USP22: variants seen among roughly 807,000 people sequenced by gnomAD.
USP22 encodes ubiquitin carboxyl-terminal hydrolase 22.
Under a neutral mutation model 68.1 loss-of-function variants are expected in USP22, and 22 were observed. The ratio of observed to expected loss-of-function variants is 0.32; its 90% CI spans 0.23 to 0.46. USP22 has a LOEUF of 0.46. Ranked by LOEUF, USP22 falls within the 20% of genes least tolerant of loss-of-function variation. The pLI is 1.00. For synonymous variants in USP22, 279 were observed against 274.2 expected, an observed-to-expected ratio of 1.02 and a Z score of -0.17; for missense variants, 433 against 695.8, an observed-to-expected ratio of 0.62 and a Z score of 4.25.
upstream of USP22, chr17:21,043,285 A>C (rs1408334073): frequency 1.7e-4 from 11 of 66,262 alleles, 2 homozygotes; most frequent in African/African-American, 3.6e-4. Context: ...CCCTTCCTTT[A>C]TTGGTAGTAG....
intron 9 of USP22, among the ~76,000 whole-genome samples, chr17:21,007,483 G>A (rs1426343252): frequency 6.6e-6 from 1 of 152,184 alleles, no homozygotes; most frequent in Non-Finnish European, 1.5e-5. Context: ...GACATCTTCA[G>A]TTATCTGGGC....
chr17:21,019,263 C>T (rs1261672149), intron 3 of USP22, 78 bp from the exon 4 acceptor site: 10 of 1,417,076 alleles, frequency 7.1e-6, no homozygotes, highest in African/African-American at 2.8e-5. Context: ...AAAGCTGTGG[C>T]GCTATGCTGT....
intron 12 of USP22, among the ~76,000 whole-genome samples, chr17:21,003,900 C>CAAAAAAA (rs545524182): frequency 8.8e-6 from 1 of 113,894 alleles, no homozygotes. Flanking sequence ...AACTCCGTCT[C>CAAAAAAA]AAAAAAAAAA....
intron 7 of USP22, among the ~76,000 whole-genome samples, chr17:21,012,089 T>C (rs1465760298): frequency 2.0e-5 from 3 of 152,070 alleles, no homozygotes; most frequent in African/African-American, 7.2e-5. Context: ...TCTGAAATAA[T>C]TTCGGTGGAT....
chr17:21,042,944 G>A lies in USP22; in HGVS notation c.-109C>T, dbSNP rs901222257. The A allele has an allele frequency of 2.8e-6, 2 of 712,666 alleles. No homozygotes were observed. Among genetic ancestry groups the A allele is most frequent in the Non-Finnish European group, 3.8e-6 (2 of 527,090 alleles). The allele number at this position is 712,666 out of a possible 1,614,324, so 44.1% of individuals were successfully genotyped here. On this transcript the variant is annotated 5_prime_UTR_variant, in exon 1 of 13. Transcript: ENST00000261497. ...GCTGGCCAGGCTGGCCAAGGCCCGG[G>A]CGCCGAGAACAAAGCGCGGAGGCCG...
intron 3 of USP22, among the ~76,000 whole-genome samples, chr17:21,019,634 C>T (rs1972129801): frequency 6.8e-6 from 1 of 146,424 alleles, no homozygotes; most frequent in South Asian, 2.3e-4. Flanking sequence ...TAAGATAGAT[C>T]CAACAGTTAA....
Position 21,020,244 on chromosome 17 carries a change from C to CAAAAAAAAAAAAAAAAAAAAAAAAAAAA in USP22, c.418+868_418+869insTTTTTTTTTTTTTTTTTTTTTTTTTTTT, listed in dbSNP as rs3047597. Among the ~76,000 whole-genome samples the CAAAAAAAAAAAAAAAAAAAAAAAAAAAA allele has an allele frequency of 6.8e-5, 5 of 73,252 alleles. 1 individual carries two copies. Among genetic ancestry groups the CAAAAAAAAAAAAAAAAAAAAAAAAAAAA allele is most frequent in the African/African-American group, 2.6e-4 (5 of 19,088 alleles). 48.1% of individuals were successfully genotyped at this position (73,252 alleles called of 152,430 possible). Reference sequence around the variant, plus strand: ...ATGAGCATCTGTCAGAATCAAAAACCAAAAAAAAAAAAAAAAAAAAAAAAA... The same window carrying CAAAAAAAAAAAAAAAAAAAAAAAAAAAA: ...ATGAGCATCTGTCAGAATCAAAAACCAAAAAAAAAAAAAAAAAAAAAAAAAAAAAAAAAAAAAAAAAAAAAAAAAAAAA... On this transcript the variant is annotated intron_variant, in intron 3 of 12. Coordinates refer to ENST00000261497, the MANE Select transcript of USP22 (RefSeq NM_015276.2).
At chr17:21,015,493 T>C (rs953552683) in intron 6 of USP22, among the ~76,000 whole-genome samples, 8 of 152,044 alleles carry the variant, frequency 5.3e-5, no homozygotes, top group Middle Eastern at 3.2e-3. Context: ...GAGTTTGCTG[T>C]TCACTGTGAT....
intron 6 of USP22, among the ~76,000 whole-genome samples, chr17:21,015,065 T>A (rs183280401): frequency 1.2e-4 from 19 of 152,214 alleles, no homozygotes; most frequent in African/African-American, 2.9e-4. Context: ...CAGCTGCAGG[T>A]CCCTCACACT....
At position 21,030,949 on chromosome 17, in the gene USP22, C is replaced by T. The variant is rs9901830; in HGVS notation, c.172-2275G>A. On this transcript the variant is annotated intron_variant, in intron 1 of 12. Coordinates refer to ENST00000261497, the MANE Select transcript of USP22 (RefSeq NM_015276.2). ...GTATTGCGCTTATGTAGGAGACTGT[C>T]CCAGTTCTTAGGAGGTAAACTACCA... 2.3e-3 allele frequency among the ~76,000 whole-genome samples: 353 copies of T among 152,282 alleles called. 3 individuals carry two copies. The highest frequency in any genetic ancestry group is 8.3e-3 in the African/African-American group (343 of 41,558).
chr17:21,010,503 C>T (rs1913925675), intron 8 of USP22, among the ~76,000 whole-genome samples: 1 of 151,550 alleles, frequency 6.6e-6, no homozygotes, highest in African/African-American at 2.4e-5. Flanking sequence ...ATGGTAAAAC[C>T]CCCGCTCTAC....
At chr17:21,041,592 C>T (rs1276788386) in intron 1 of USP22, among the ~76,000 whole-genome samples, 3 of 152,174 alleles carry the variant, frequency 2.0e-5, no homozygotes. Flanking sequence ...AGCGAGACTT[C>T]GTCTCAAAAA....
At chr17:21,019,031 C>T (rs895936720) in intron 4 of USP22, 53 bp downstream of exon 4, 1 of 1,579,682 alleles carries the variant, frequency 6.3e-7, no homozygotes, top group African/African-American at 1.3e-5. Context: ...TCTGTATTTA[C>T]TTTTAAACCC....
intron 2 of USP22, among the ~76,000 whole-genome samples, chr17:21,022,812 A>AAAC (rs1555530108): frequency 1.3e-5 from 2 of 150,882 alleles, no homozygotes; most frequent in Admixed American, 6.6e-5. Context: ...AAAAAAAAAA[A>AAAC]ACCAAATGAA....
chr17:21,028,425 A>G, intron 2 of USP22, 117 bp downstream of exon 2: 4 of 1,483,428 alleles, frequency 2.7e-6, no homozygotes, highest in Admixed American at 3.8e-5. Context: ...AGGGGCACGC[A>G]TTACTTGAGA....
At chr17:21,009,637 T>C (rs1913885458) in intron 8 of USP22, among the ~76,000 whole-genome samples, 1 of 152,188 alleles carries the variant, frequency 6.6e-6, no homozygotes, top group African/African-American at 2.4e-5. Flanking sequence ...TAAATTTAAT[T>C]TAGCTGCAAA....
At chr17:21,039,274 A>T (rs890763885) in intron 1 of USP22, among the ~76,000 whole-genome samples, 2 of 151,394 alleles carry the variant, frequency 1.3e-5, no homozygotes, top group Admixed American at 6.6e-5. Flanking sequence ...AGTCTGCAAT[A>T]CAAGAGTTTT....
chr17:21,030,847 G>A (rs553887540), intron 1 of USP22, among the ~76,000 whole-genome samples: 1 of 152,276 alleles, frequency 6.6e-6, no homozygotes, highest in African/African-American at 2.4e-5. Context: ...GATATTATTG[G>A]AACAATTCAG....
At chr17:21,035,291 AT>A (rs1257363838) in intron 1 of USP22, among the ~76,000 whole-genome samples, 1 of 152,186 alleles carries the variant, frequency 6.6e-6, no homozygotes, top group African/African-American at 2.4e-5. Flanking sequence ...TTCTATCTCA[AT>A]TTCTACTCTT....
Sources: gnomAD v4.1 joint callset for allele counts (sites outside exome capture counted in the v4.1 genomes callset) on GRCh38, gnomAD v4.1.1 for gene constraint, MANE v1.5 for transcripts, NCBI Gene and HGNC (gene_info 2026-07-23, HGNC 2026-07-21) for gene names.